EVC: variants seen among roughly 807,000 people sequenced by gnomAD.
The protein encoded by EVC is evC complex member EVC.
In EVC, 116 loss-of-function variants were observed where a neutral mutation model predicts 118.9. The observed-to-expected ratio is 0.98, with a 90% confidence interval of 0.84 to 1.14. The LOEUF is 1.14. EVC is among the 50% of genes most tolerant of loss of function. EVC has a pLI of 0.00. For synonymous variants in EVC, 619 were observed against 534.7 expected (o/e 1.16, Z -2.18); for missense variants, 1,401 against 1,246.4 (o/e 1.12, Z -1.87).
At chr4:5,748,370 GC>G in intron 8 of EVC, 64 bp downstream of exon 8, 1 of 1,571,026 alleles carries the variant, frequency 6.4e-7, no homozygotes, top group Non-Finnish European at 8.7e-7. Flanking sequence ...GAATCCTGAG[GC>G]TTGACATCCT....
chr4:5,717,289 G>T (rs113898518), intron 1 of EVC, among the ~76,000 whole-genome samples: 3,943 of 152,154 alleles, frequency 0.026, 60 homozygotes, highest in Admixed American at 0.03. Context: ...TTTATGAATG[G>T]AATACCTTCT....
At chr4:5,713,397 G>A (rs1483869932) in intron 1 of EVC, among the ~76,000 whole-genome samples, 2 of 152,176 alleles carry the variant, frequency 1.3e-5, no homozygotes, top group African/African-American at 2.4e-5. Context: ...TAATGCCCAG[G>A]CTGGGCACTG....
rs1577449059 is a variant in EVC at position 5,755,188 on chromosome 4, A to G, written c.1465-1076A>G. On this transcript the variant is annotated intron_variant, in intron 10 of 20. Transcript: ENST00000264956. The surrounding 1 kb of genome is among the most constrained non-coding windows in gnomAD (Gnocchi z 4.1). ...TTTGAAATAAGAGGAAGATAAGGCT[A>G]TTCAGCTCCTCGTTATTTGGATATT... Among the ~76,000 whole-genome samples the G allele has an allele frequency of 6.6e-6, 1 of 152,174 alleles. No homozygotes were observed. The highest frequency in any genetic ancestry group is 1.5e-5 in the Non-Finnish European group (1 of 68,042).
Position 5,809,410 on chromosome 4 carries a change from G to A in EVC, c.2689-108G>A, listed in dbSNP as rs564228996. On this transcript the variant is annotated intron_variant, in intron 18 of 20. Coordinates refer to ENST00000264956, the MANE Select transcript of EVC (RefSeq NM_153717.3). ...GAAAATTCTCCTCCACACGGGAGAC[G>A]TGGTCTTCAGTGGCCAGCCTCAAGT... 675 of 939,160 alleles carry A rather than the reference G, an allele frequency of 7.2e-4. 1 individual carries two copies. Among genetic ancestry groups the A allele is most frequent in the Non-Finnish European group, 7.9e-4 (451 of 573,390 alleles). 58.2% of individuals were successfully genotyped at this position (939,160 alleles called of 1,614,324 possible).
At chr4:5,721,384 A>G (rs1267285881) in intron 2 of EVC, among the ~76,000 whole-genome samples, 1 of 152,212 alleles carries the variant, frequency 6.6e-6, no homozygotes, top group Non-Finnish European at 1.5e-5. Context: ...AAAACATGCT[A>G]AATGAAAGAA....
At chr4:5,824,859 C>T in the EVC span, 5 of 985,406 alleles carry the variant, frequency 5.1e-6, no homozygotes, top group East Asian at 5.7e-4. Flanking sequence ...ATGTGGCCAT[C>T]TCACCAAATC....
At chr4:5,747,038 C>G (rs4491963) in intron 7 of EVC, among the ~76,000 whole-genome samples, 127,541 of 151,872 alleles carry the variant, frequency 0.84, 54,001 homozygotes, top group African/African-American at 0.96. Context: ...GGGTGAGAGC[C>G]TGAGGGTGTC....
rs1384051803 is a variant in EVC at position 5,810,938 on chromosome 4, C to T, written c.2895-15C>T. On this transcript the variant is annotated splice_polypyrimidine_tract_variant and intron_variant, in intron 20 of 20. Transcript: ENST00000264956. ...GTCAGCGTTCTAACTGGCTGCCTTTCTTCTCTGTTTTAAGCAGCAAAAGGC... is the reference window on the plus strand; with the variant it reads ...GTCAGCGTTCTAACTGGCTGCCTTTTTTCTCTGTTTTAAGCAGCAAAAGGC... 4 of 1,608,520 alleles carry T rather than the reference C, an allele frequency of 2.5e-6. No individual in the cohort carries two copies. The highest frequency in any genetic ancestry group is 2.5e-6 in the Non-Finnish European group (3 of 1,177,174).
Position 5,754,028 on chromosome 4 carries a change from A to AGATAACCTCATGCC in EVC, c.1464+95_1464+96insGATAACCTCATGCC. The AGATAACCTCATGCC allele has an allele frequency of 4.6e-6, 7 of 1,524,024 alleles. No homozygotes were observed. The highest frequency in any genetic ancestry group is 1.4e-5 in the African/African-American group (1 of 73,222). The allele number at this position is 1,524,024 out of a possible 1,614,324, so 94.4% of individuals were successfully genotyped here. On this transcript the variant is annotated intron_variant, in intron 10 of 20. Transcript: ENST00000264956. This position sits in a 1 kb window ranked among gnomAD's most constrained non-coding sequence, Gnocchi z 5.8. ...GGGACGCCGGAGGTATTCATCAGGC[A>AGATAACCTCATGCC]TGAGGTTATCTGCCTACTTCCCATG...
intron 3 of EVC, among the ~76,000 whole-genome samples, chr4:5,730,623 A>C (rs1048988239): frequency 1.3e-5 from 2 of 152,012 alleles, no homozygotes; most frequent in African/African-American, 4.8e-5. Context: ...CCGAGAATGC[A>C]GGACAGTGCA....
At chr4:5,805,810 C>G (rs1715779219) in intron 17 of EVC, among the ~76,000 whole-genome samples, 2 of 151,654 alleles carry the variant, frequency 1.3e-5, no homozygotes, top group Non-Finnish European at 2.9e-5. Context: ...ATGAGCCCAT[C>G]TGTGACTCAC....
At chr4:5,787,767 C>T (rs1468152394) in intron 12 of EVC, among the ~76,000 whole-genome samples, 1 of 152,146 alleles carries the variant, frequency 6.6e-6, no homozygotes, top group Non-Finnish European at 1.5e-5. Context: ...AACACCAGTG[C>T]TAGAGGCAGT....
At chr4:5,752,491 G>T (rs547039554) in intron 8 of EVC, among the ~76,000 whole-genome samples, 4 of 152,116 alleles carry the variant, frequency 2.6e-5, no homozygotes, top group Non-Finnish European at 5.9e-5. Flanking sequence ...CAGATTGGCC[G>T]GGGGAGATGA....
chr4:5,820,029 T>G, the EVC span, among the ~76,000 whole-genome samples: 2 of 152,152 alleles, frequency 1.3e-5, no homozygotes, highest in Non-Finnish European at 2.9e-5. Context: ...AGCAAGGAGC[T>G]TTGGACTAGG....
At chr4:5,819,689 C>T in the EVC span, among the ~76,000 whole-genome samples, 2 of 152,356 alleles carry the variant, frequency 1.3e-5, no homozygotes, top group Non-Finnish European at 2.9e-5. Flanking sequence ...TGGATAACTT[C>T]ATCCTGCCAA....
chr4:5,799,643 C>T (rs1313355238), intron 15 of EVC, among the ~76,000 whole-genome samples: 1 of 152,154 alleles, frequency 6.6e-6, no homozygotes, highest in African/African-American at 2.4e-5. Flanking sequence ...GGCTGGGAGA[C>T]AGCAGCAGGT....
downstream of EVC, among the ~76,000 whole-genome samples, chr4:5,817,548 C>G (rs891873750): frequency 6.6e-6 from 1 of 152,180 alleles, no homozygotes; most frequent in African/African-American, 2.4e-5. Context: ...CAGGTCTGCA[C>G]TAAGAGAAAA....
At chr4:5,767,678 C>T (rs547919791) in intron 11 of EVC, among the ~76,000 whole-genome samples, 65 of 152,102 alleles carry the variant, frequency 4.3e-4, no homozygotes, top group Non-Finnish European at 8.4e-4. Flanking sequence ...TGCCATCTGT[C>T]ACCCCTTTCT....
chr4:5,765,786 C>A lies in EVC; in HGVS notation c.1563+9424C>A, dbSNP rs1473192602. On this transcript the variant is annotated intron_variant, in intron 11 of 20. Coordinates refer to ENST00000264956, the MANE Select transcript of EVC (RefSeq NM_153717.3). ...TCTTCCTCCATCCTTTTATTTTGAG[C>A]CTATGTGTGTGTCTGCACGTGAGAT... Among the ~76,000 whole-genome samples the A allele has an allele frequency of 1.3e-5, 2 of 150,190 alleles. 1 individual carries two copies. The highest frequency in any genetic ancestry group is 4.3e-4 in the South Asian group (2 of 4,666).
Sources: gnomAD v4.1 joint callset for allele counts (sites outside exome capture counted in the v4.1 genomes callset) on GRCh38, gnomAD v4.1.1 for gene constraint, Gnocchi (gnomAD v3.1) non-coding constraint, MANE v1.5 for transcripts, NCBI Gene and HGNC (gene_info 2026-07-23, HGNC 2026-07-21) for gene names.